CTTN: variants seen among roughly 807,000 people sequenced by gnomAD.
CTTN encodes the protein cortactin.
Under a neutral mutation model 84.0 loss-of-function variants are expected in CTTN, and 28 were observed. The observed-to-expected ratio is 0.33, with a 90% CI of 0.25 to 0.46. CTTN has a LOEUF of 0.46. Among genes scored for constraint, CTTN ranks in the 20% least tolerant of loss-of-function variants. CTTN has a pLI of 1.00. For synonymous variants in CTTN, 301 were observed against 288.8 expected, an observed-to-expected ratio of 1.04 and a Z score of -0.43; for missense variants, 641 against 723.8, an observed-to-expected ratio of 0.89 and a Z score of 1.31.
chr11:70,418,343 T>A (rs556070667), intron 8 of CTTN, among the ~76,000 whole-genome samples: 1 of 152,340 alleles, frequency 6.6e-6, no homozygotes, highest in East Asian at 1.9e-4. Flanking sequence ...AGTCCATTCC[T>A]CCTCTTCCCG....
At chr11:70,411,938 C>T (rs1003490222) in intron 5 of CTTN, among the ~76,000 whole-genome samples, 2 of 151,828 alleles carry the variant, frequency 1.3e-5, no homozygotes, top group African/African-American at 4.9e-5. Context: ...TGCCACGTGC[C>T]CCCCCCTTAG....
At chr11:70,429,507 A>G (rs987443842) in intron 14 of CTTN, among the ~76,000 whole-genome samples, 5 of 151,658 alleles carry the variant, frequency 3.3e-5, no homozygotes, top group Non-Finnish European at 5.9e-5. Context: ...GTCGGCTTCC[A>G]CCTCCACGGG....
rs2058266188 is a variant in CTTN at position 70,423,505 on chromosome 11, C to T, written c.957+510C>T. On this transcript the variant is annotated intron_variant, in intron 12 of 17. Transcript: ENST00000301843. ...CAGGGGTGGCAGGGTCAGTCCTTGC[C>T]TCGCAGCTGACCACACAGCACCATC... is the stretch of plus-strand genomic sequence containing the variant. 2.6e-5 allele frequency among the ~76,000 whole-genome samples: 4 copies of T among 152,226 alleles called. No individual in the cohort carries two copies. The South Asian group carries it at 8.3e-4, about 31-fold the overall frequency.
intron 1 of CTTN, among the ~76,000 whole-genome samples, chr11:70,401,930 C>T (rs1467704413): frequency 6.6e-6 from 1 of 152,126 alleles, no homozygotes; most frequent in East Asian, 1.9e-4. Context: ...GCTGGCAAAT[C>T]ACTTGAGGCC....
chr11:70,410,204 A>T, intron 5 of CTTN: 1 of 424,710 alleles, frequency 2.4e-6, no homozygotes, highest in Admixed American at 3.5e-5. Flanking sequence ...AGGCCCAGAG[A>T]GGGAGATTGG....
chr11:70,407,476 A>T (rs758315252), intron 3 of CTTN, 42 bp from the exon 4 acceptor site: 8 of 1,613,578 alleles, frequency 5.0e-6, no homozygotes, highest in South Asian at 4.4e-5. Context: ...TGTCTGTGTC[A>T]CAATCCAGGC....
intron 1 of CTTN, among the ~76,000 whole-genome samples, chr11:70,404,765 G>A (rs2058023759): frequency 6.6e-6 from 1 of 152,216 alleles, no homozygotes; most frequent in Non-Finnish European, 1.5e-5. Flanking sequence ...CACTTTGGGA[G>A]GCCAAGGCAG....
intron 11 of CTTN, 102 bp from the exon 12 acceptor site, chr11:70,422,838 T>C: frequency 6.3e-7 from 1 of 1,580,978 alleles, no homozygotes. Context: ...CCCGCTGTGG[T>C]GCACCTTCTT....
At chr11:70,432,509 C>T (rs1338211094) in intron 15 of CTTN, among the ~76,000 whole-genome samples, 2 of 152,232 alleles carry the variant, frequency 1.3e-5, no homozygotes, top group African/African-American at 2.4e-5. Context: ...AAGCCACTGT[C>T]GGTGATAAGC....
rs1348156853 is a variant in CTTN, at chr11:70,406,283, G to A, written c.-1+922G>A. 3.3e-5 allele frequency among the ~76,000 whole-genome samples: 5 copies of A among 152,288 alleles called. No homozygotes were observed. The East Asian group carries it at 9.7e-4, about 29-fold the overall frequency. ...ACTTGAGACCCAGCCAGGCTGGAGGGAGAGGAGCCAGATGGGACATTCTCA... is the reference window on the plus strand; with the variant it reads ...ACTTGAGACCCAGCCAGGCTGGAGGAAGAGGAGCCAGATGGGACATTCTCA... On this transcript the variant is annotated intron_variant, in intron 2 of 17. Coordinates refer to ENST00000301843, the MANE Select transcript of CTTN (RefSeq NM_005231.4).
chr11:70,399,358 A>G (rs935808740), intron 1 of CTTN, among the ~76,000 whole-genome samples: 3 of 141,944 alleles, frequency 2.1e-5, no homozygotes, highest in African/African-American at 8.0e-5. Context: ...TTGGGGCTCC[A>G]GGGGAAGGGA....
At chr11:70,421,677 GTCCTC>G in intron 11 of CTTN, 97 bp downstream of exon 11, 3 of 791,324 alleles carry the variant, frequency 3.8e-6, no homozygotes, top group Non-Finnish European at 4.4e-6. Flanking sequence ...CTGCAACACA[GTCCTC>G]CTGTGTCACC....
chr11:70,422,989 G>A lies in CTTN; in HGVS notation c.951G>A (p.Met317Ile), dbSNP rs780249221. 4 of 1,613,934 alleles carry A rather than the reference G, an allele frequency of 2.5e-6. No individual in the cohort carries two copies. The African/African-American group carries it at 5.3e-5, about 22-fold the overall frequency. ...GGKYGVQKDR[M>I]DKNASTFEDV... Reference sequence around the variant, plus strand: ...AGTATGGGGTGCAGAAGGATCGGATGGATAAGGTAAATATTCCAGCCCCGG... The same window carrying A: ...AGTATGGGGTGCAGAAGGATCGGATAGATAAGGTAAATATTCCAGCCCCGG... Residue 317 changes from methionine (M) to isoleucine (I), a missense_variant, in exon 12 of 18, where the codon ATG (methionine) becomes ATA (isoleucine). Met to Ile is a conservative substitution (Grantham distance 10). Around this residue, in one of 3 missense-constraint regions of CTTN, gnomAD observed 289 missense variants for 273.1 expected, o/e 1.06. Transcript: ENST00000301843.
intron 16 of CTTN, among the ~76,000 whole-genome samples, 180 bp from the exon 17 acceptor site, chr11:70,433,467 G>C (rs2058378566): frequency 6.6e-6 from 1 of 152,182 alleles, no homozygotes; most frequent in Non-Finnish European, 1.5e-5. Flanking sequence ...TCCTGTGCTG[G>C]GTCCCAGGAA....
At chr11:70,415,973 C>T in intron 7 of CTTN, 1 of 441,296 alleles carries the variant, frequency 2.3e-6, no homozygotes, top group Non-Finnish European at 4.1e-6. Context: ...CATCTGCTGT[C>T]ATTGTGGGGC....
rs887886562 is a variant in CTTN, at chr11:70,404,419, C to T, written c.-97-846C>T. On this transcript the variant is annotated intron_variant, in intron 1 of 17. Transcript: ENST00000301843. Reference sequence around the variant, plus strand: ...GGGAGCTGGAGTCTTGCTCCCTGCGCGGTAACCGTGTACGTTCATTAGGAA... The same window carrying T: ...GGGAGCTGGAGTCTTGCTCCCTGCGTGGTAACCGTGTACGTTCATTAGGAA... 3.3e-5 allele frequency among the ~76,000 whole-genome samples: 5 copies of T among 152,224 alleles called. No homozygotes were observed. In the South Asian group the frequency reaches 8.3e-4, roughly 25 times the overall value.
chr11:70,423,013 G>A lies in CTTN; in HGVS notation c.957+18G>A, dbSNP rs376658550. 7.4e-6 allele frequency: 12 copies of A among 1,613,750 alleles called. No homozygotes were observed. The East Asian group carries it at 1.3e-4, about 18-fold the overall frequency. On this transcript the variant is annotated intron_variant, in intron 12 of 17. Coordinates refer to ENST00000301843, the MANE Select transcript of CTTN (RefSeq NM_005231.4). ...TGGATAAGGTAAATATTCCAGCCCCGGAGCTTAGTGTCTTCTGCCTGCAGG... is the reference window on the plus strand; with the variant it reads ...TGGATAAGGTAAATATTCCAGCCCCAGAGCTTAGTGTCTTCTGCCTGCAGG...
At position 70,435,920 on chromosome 11, in the gene CTTN, G is replaced by C. The variant is rs2058412906; in HGVS notation, c.*758G>C. ...CCCCTGCCCCGCGGGTCTCTGGATT[G>C]GGACGCACAGTGCAGTTGAGGTCTG... On this transcript the variant is annotated 3_prime_UTR_variant, in exon 18 of 18. Transcript: ENST00000301843. 34 of 1,461,568 alleles carry C rather than the reference G, an allele frequency of 2.3e-5. No individual in the cohort carries two copies. The South Asian group carries it at 4.7e-4, about 20-fold the overall frequency. 90.5% of individuals were successfully genotyped at this position (1,461,568 alleles called of 1,614,324 possible).
Position 70,435,506 on chromosome 11 carries a change from G to C in CTTN, c.*344G>C. 1.0e-5 allele frequency: 16 copies of C among 1,559,226 alleles called. No homozygotes were observed. The highest frequency in any genetic ancestry group is 1.4e-5 in the Non-Finnish European group (16 of 1,159,772). On this transcript the variant is annotated 3_prime_UTR_variant, in exon 18 of 18. Coordinates refer to ENST00000301843, the MANE Select transcript of CTTN (RefSeq NM_005231.4). ...ATTCTCTTGTGTTCGTGTTGCCCTC[G>C]TGCCCATCAAGTGCAGTCGGGACCT... is the stretch of plus-strand genomic sequence containing the variant.
Sources: allele counts gnomAD v4.1 joint callset (sites outside exome capture counted in the v4.1 genomes callset), GRCh38; gene constraint gnomAD v4.1.1; regional missense constraint gnomAD v4.1.1; transcripts MANE v1.5; gene names NCBI Gene and HGNC (gene_info 2026-07-23, HGNC 2026-07-21).